The following PCMTD1 variants were observed in gnomAD, a reference collection of about 807,000 sequenced individuals.
PCMTD1 encodes protein-L-isoaspartate O-methyltransferase domain-containing protein 1.
In PCMTD1, 12 loss-of-function variants were observed where a neutral mutation model predicts 37.6. The observed-to-expected ratio is 0.32, with a 90% confidence interval of 0.20 to 0.52. The LOEUF (loss-of-function observed/expected upper bound fraction) is 0.52. Ranked by LOEUF, PCMTD1 falls within the 20% of genes least tolerant of loss-of-function variation. The pLI is 0.97. For missense variants in PCMTD1, 235 were observed against 421.3 expected, an observed-to-expected ratio of 0.56 and a Z score of 3.87; for synonymous variants, 117 against 135.8, an observed-to-expected ratio of 0.86 and a Z score of 0.96.
chr8:51,866,086 A>T (rs1321659780), intron 1 of PCMTD1, among the ~76,000 whole-genome samples: 1 of 151,990 alleles, frequency 6.6e-6, no homozygotes, highest in Non-Finnish European at 1.5e-5. Flanking sequence ...AAAAATACCT[A>T]AAAGTAAACT....
chr8:51,877,275 A>G (rs959680296), intron 1 of PCMTD1, among the ~76,000 whole-genome samples: 2 of 152,218 alleles, frequency 1.3e-5, no homozygotes, highest in Non-Finnish European at 2.9e-5. Flanking sequence ...CACTGGCTGC[A>G]ACAGGACCTT....
At chr8:51,862,752 C>T (rs895468510) in intron 1 of PCMTD1, among the ~76,000 whole-genome samples, 1 of 152,208 alleles carries the variant, frequency 6.6e-6, no homozygotes, top group Non-Finnish European at 1.5e-5. Context: ...TCTGTGTCCA[C>T]TTTGTCCTTT....
intron 3 of PCMTD1, among the ~76,000 whole-genome samples, chr8:51,837,526 T>C (rs2038085129): frequency 6.6e-6 from 1 of 152,120 alleles, no homozygotes; most frequent in South Asian, 2.1e-4. Flanking sequence ...ACACTACCAA[T>C]TTTAGTGTCC....
At chr8:51,831,695 T>C in intron 4 of PCMTD1, 128 bp from the exon 5 acceptor site, 4 of 846,394 alleles carry the variant, frequency 4.7e-6, no homozygotes, top group Non-Finnish European at 5.1e-6. Flanking sequence ...AATGTAAATG[T>C]GACCAAATTA....
chr8:51,884,266 T>C (rs2038833404), intron 1 of PCMTD1, among the ~76,000 whole-genome samples: 1 of 152,174 alleles, frequency 6.6e-6, no homozygotes, highest in African/African-American at 2.4e-5. Flanking sequence ...AAGCAGTGCC[T>C]AAATATTTGG....
chr8:51,871,994 T>G (rs1258560188), intron 1 of PCMTD1, among the ~76,000 whole-genome samples: 1 of 152,168 alleles, frequency 6.6e-6, no homozygotes, highest in Non-Finnish European at 1.5e-5. Context: ...TTCCTCCACA[T>G]CCTTTTAATT....
At chr8:51,866,031 A>G (rs932416720) in intron 1 of PCMTD1, among the ~76,000 whole-genome samples, 1 of 151,960 alleles carries the variant, frequency 6.6e-6, no homozygotes, top group Non-Finnish European at 1.5e-5. Flanking sequence ...AAATGATCTG[A>G]AAAAATAATT....
intron 5 of PCMTD1, among the ~76,000 whole-genome samples, chr8:51,830,568 T>A (rs1356797820): frequency 6.6e-6 from 1 of 152,136 alleles, no homozygotes; most frequent in African/African-American, 2.4e-5. Context: ...ACATCCACTC[T>A]CCTGTGGGTG....
At chr8:51,832,365 A>G (rs1480905443) in intron 4 of PCMTD1, among the ~76,000 whole-genome samples, 6 of 152,184 alleles carry the variant, frequency 3.9e-5, no homozygotes, top group Admixed American at 3.9e-4. Context: ...ATATTTATAT[A>G]CTCTGCCTTT....
intron 3 of PCMTD1, among the ~76,000 whole-genome samples, chr8:51,841,224 T>A (rs16916879): frequency 6.6e-6 from 1 of 152,178 alleles, no homozygotes; most frequent in African/African-American, 2.4e-5. Flanking sequence ...ACATTTAGAA[T>A]GGTTAACACT....
chr8:51,833,328 T>A (rs1362344346), intron 4 of PCMTD1, among the ~76,000 whole-genome samples, 190 bp downstream of exon 4: 6 of 152,188 alleles, frequency 3.9e-5, no homozygotes, highest in African/African-American at 1.4e-4. Flanking sequence ...AGTAGAGAGA[T>A]CTTTTCTCTA....
intron 1 of PCMTD1, among the ~76,000 whole-genome samples, chr8:51,880,949 T>C (rs1470161091): frequency 6.6e-6 from 1 of 152,218 alleles, no homozygotes. Flanking sequence ...TGTCATAAAA[T>C]AGTCTTCCAA....
At chr8:51,858,804 A>T (rs1480510303) in intron 2 of PCMTD1, among the ~76,000 whole-genome samples, 1 of 152,200 alleles carries the variant, frequency 6.6e-6, no homozygotes, top group African/African-American at 2.4e-5. Context: ...CCATATATGT[A>T]ACTAAAGATC....
At chr8:51,829,864 T>A (rs2037974958) in intron 5 of PCMTD1, among the ~76,000 whole-genome samples, 1 of 151,924 alleles carries the variant, frequency 6.6e-6, no homozygotes, top group Non-Finnish European at 1.5e-5. Context: ...GAATGAACAC[T>A]GAAAAAAAAA....
At chr8:51,835,167 G>C (rs550883863) in intron 3 of PCMTD1, among the ~76,000 whole-genome samples, 32 of 152,256 alleles carry the variant, frequency 2.1e-4, no homozygotes, top group African/African-American at 7.7e-4. Flanking sequence ...TTCCTTACAG[G>C]AACCATCACA....
rs983357141 is a variant in PCMTD1, at chr8:51,891,692, A to T, written c.-96+7238T>A. On this transcript the variant is annotated intron_variant, in intron 1 of 5. Coordinates refer to ENST00000522514, the MANE Select transcript of PCMTD1 (RefSeq NM_052937.4). ...AAACAAAAAATATATATATACATATATATGTATATATATATATATAGCTTC... is the reference window on the plus strand; with the variant it reads ...AAACAAAAAATATATATATACATATTTATGTATATATATATATATAGCTTC... Among the ~76,000 whole-genome samples the T allele has an allele frequency of 7.5e-5, 6 of 79,780 alleles. No homozygotes were observed. The South Asian group carries it at 3.7e-3, about 50-fold the overall frequency. 52.3% of individuals were successfully genotyped at this position (79,780 alleles called of 152,430 possible). A position where few individuals can be genotyped will look rare whatever the true frequency, so the allele number is the denominator to read the frequency against.
chr8:51,878,019 C>A (rs2038737285), intron 1 of PCMTD1, among the ~76,000 whole-genome samples: 1 of 152,134 alleles, frequency 6.6e-6, no homozygotes, highest in Admixed American at 6.5e-5. Flanking sequence ...TGAATCTAAG[C>A]AAAGGGTATA....
At chr8:51,868,055 T>C (rs995113241) in intron 1 of PCMTD1, among the ~76,000 whole-genome samples, 12 of 152,090 alleles carry the variant, frequency 7.9e-5, no homozygotes, top group Non-Finnish European at 7.4e-5. Context: ...CATTCCACAC[T>C]GTAAACATAT....
rs146429881 is a variant in PCMTD1 at position 51,845,867 on chromosome 8, G to A, written c.308-104C>T. ...ATACATCACAGGAGTATTTAAAGAT[G>A]GCTTGAAATATGCAAATACTTCCTA... is the stretch of plus-strand genomic sequence containing the variant. On this transcript the variant is annotated intron_variant, in intron 2 of 5. Coordinates refer to ENST00000522514, the MANE Select transcript of PCMTD1 (RefSeq NM_052937.4). 1,018 of 676,770 alleles carry A rather than the reference G, an allele frequency of 1.5e-3. 7 individuals carry two copies. In the African/African-American group the frequency reaches 0.017, roughly 11 times the overall value. The allele number at this position is 676,770 out of a possible 1,614,324, so 41.9% of individuals were successfully genotyped here.
Sources: gnomAD v4.1 joint callset for allele counts (sites outside exome capture counted in the v4.1 genomes callset) on GRCh38, gnomAD v4.1.1 for gene constraint, MANE v1.5 for transcripts, NCBI Gene and HGNC (gene_info 2026-07-23, HGNC 2026-07-21) for gene names.